The following TMLHE variants were observed in gnomAD, a reference collection of about 807,000 sequenced individuals.
The protein encoded by TMLHE is trimethyllysine dioxygenase, mitochondrial.
A neutral mutation model predicts 25.7 loss-of-function variants in TMLHE; 18 were observed. The ratio of observed to expected loss-of-function variants is 0.70; its 90% CI spans 0.48 to 1.04. TMLHE has a LOEUF of 1.04. TMLHE is among the 50% of genes least tolerant of loss of function. The pLI is 0.00. For synonymous variants in TMLHE, 105 were observed against 97.0 expected, an observed-to-expected ratio of 1.08 and a Z score of -0.49; for missense variants, 236 against 259.0, an observed-to-expected ratio of 0.91 and a Z score of 0.61.
At chrX:155,579,488 C>T (rs936976498) in intron 1 of TMLHE, among the ~76,000 whole-genome samples, 5 of 111,988 alleles carry the variant, frequency 4.5e-5, no homozygotes, top group African/African-American at 1.6e-4. Flanking sequence ...GTGACAAAAA[C>T]ACACAATGGG....
chrX:155,547,402 C>G (rs7878725), intron 1 of TMLHE, among the ~76,000 whole-genome samples: 236 of 111,372 alleles, frequency 2.1e-3, no homozygotes, highest in African/African-American at 7.2e-3. Context: ...CTCAGCCTCC[C>G]AAAGTGCTGG....
chrX:155,537,990 G>A (rs2067289208), intron 2 of TMLHE, among the ~76,000 whole-genome samples: 1 of 111,538 alleles, frequency 9.0e-6, no homozygotes, highest in Non-Finnish European at 1.9e-5. Context: ...GTGCTAGTAT[G>A]TAACGTCAAC....
intron 1 of TMLHE, among the ~76,000 whole-genome samples, chrX:155,604,284 A>G (rs2067774172): frequency 9.0e-6 from 1 of 111,062 alleles, no homozygotes; most frequent in Non-Finnish European, 1.9e-5. Context: ...TGGGGAAGGA[A>G]CAAAGACCCT....
At chrX:155,610,382 G>A (rs2067811731) in intron 1 of TMLHE, among the ~76,000 whole-genome samples, 1 of 111,627 alleles carries the variant, frequency 9.0e-6, no homozygotes, top group Non-Finnish European at 1.9e-5. Context: ...TCACTGACGT[G>A]ATGCAAATGT....
chrX:155,559,365 A>G (rs2067479132), intron 1 of TMLHE, among the ~76,000 whole-genome samples: 1 of 110,958 alleles, frequency 9.0e-6, no homozygotes, highest in Non-Finnish European at 1.9e-5. Context: ...TATTTCTTAT[A>G]TATTATCTTT....
At chrX:155,528,332 TA>T (rs1394039380) in intron 2 of TMLHE, among the ~76,000 whole-genome samples, 8 of 52,534 alleles carry the variant, frequency 1.5e-4, no homozygotes, top group African/African-American at 3.7e-4. Context: ...TATCTTTTAA[TA>T]TTTTTTTTTA....
At chrX:155,518,931 C>T (rs2067176025) in intron 3 of TMLHE, among the ~76,000 whole-genome samples, 1 of 43,618 alleles carries the variant, frequency 2.3e-5, no homozygotes, top group South Asian at 1.7e-3. Flanking sequence ...ATTAGTCTTG[C>T]TAGCGGTCTA....
intron 1 of TMLHE, among the ~76,000 whole-genome samples, chrX:155,546,335 C>T (rs1262727860): frequency 1.8e-5 from 2 of 111,327 alleles, no homozygotes; most frequent in African/African-American, 6.5e-5. Context: ...AATAAAACAA[C>T]ACCATTTGCA....
chrX:155,549,961 G>C (rs1230945055), intron 1 of TMLHE, among the ~76,000 whole-genome samples: 1 of 109,704 alleles, frequency 9.1e-6, no homozygotes, highest in Non-Finnish European at 1.9e-5. Flanking sequence ...ACTTATGAGT[G>C]AGAACACGTG....
At chrX:155,509,518 T>C (rs1040726802) in intron 5 of TMLHE, among the ~76,000 whole-genome samples, 6 of 111,664 alleles carry the variant, frequency 5.4e-5, no homozygotes, top group Non-Finnish European at 1.1e-4. Context: ...CTGGTGTTGG[T>C]CATAAAGGGA....
At chrX:155,583,309 C>T (rs2067643432) in intron 1 of TMLHE, among the ~76,000 whole-genome samples, 2 of 110,695 alleles carry the variant, frequency 1.8e-5, no homozygotes, top group African/African-American at 6.6e-5. Flanking sequence ...TACCCTAGAA[C>T]TTAAAGTATA....
intron 2 of TMLHE, among the ~76,000 whole-genome samples, chrX:155,543,991 C>T (rs2067328126): frequency 9.0e-6 from 1 of 111,724 alleles, no homozygotes; most frequent in Non-Finnish European, 1.9e-5. Context: ...TGTGCTGTAC[C>T]TCAGAGACAG....
Position 155,573,263 on chromosome X carries a change from CA to C in TMLHE, c.-1-27987del, listed in dbSNP as rs1417812394. ...ACCATCACTAGCCATCAGAGAAATG[CA>C]AATCAAAACCACAATGAGATACCAT... On this transcript the variant is annotated intron_variant, in intron 1 of 7. Transcript: ENST00000334398. 1.9e-4 allele frequency among the ~76,000 whole-genome samples: 11 copies of C among 57,956 alleles called. 2 individuals are homozygous for C. The allele number at this position is 57,956 out of a possible 115,157, so 50.3% of individuals were successfully genotyped here.
intron 1 of TMLHE, among the ~76,000 whole-genome samples, chrX:155,598,054 A>G (rs1159281648): frequency 8.9e-6 from 1 of 112,094 alleles, no homozygotes; most frequent in Non-Finnish European, 1.9e-5. Flanking sequence ...GATTGCACAT[A>G]TGGCAAAAGC....
Position 155,514,110 on chromosome X carries a change from C to T in TMLHE, c.514G>A (p.Glu172Lys). 8.3e-7 allele frequency: 1 copy of T among 1,211,003 alleles called. No homozygotes were observed. ...AACTTCTTCAGTCCCTCGTTGGTTT[C>T]TAAGAAGCTCTGGCAATCTACCGAT... is the stretch of plus-strand genomic sequence containing the variant. ...VPSVDCQSFLETNEGLKKFLQ... is the reference protein window; with the variant it reads ...VPSVDCQSFLKTNEGLKKFLQ... Residue 172 changes from glutamate to lysine, a missense_variant, in exon 4 of 8, where the codon GAA (glutamate) becomes AAA (lysine). Physicochemically the swap from Glu to Lys is moderately conservative, Grantham distance 56. Transcript: ENST00000334398.
At chrX:155,610,943 C>T (rs2067815827) in intron 1 of TMLHE, among the ~76,000 whole-genome samples, 1 of 110,851 alleles carries the variant, frequency 9.0e-6, no homozygotes, top group Non-Finnish European at 1.9e-5. Flanking sequence ...TCATTGATTG[C>T]CTTTGGAGTG....
chrX:155,541,225 G>C (rs2067308994), intron 2 of TMLHE, among the ~76,000 whole-genome samples: 1 of 110,388 alleles, frequency 9.1e-6, no homozygotes, highest in South Asian at 3.9e-4. Context: ...GCCCCAGTGT[G>C]TGATGTTCCC....
At chrX:155,593,668 T>C (rs1187784563) in intron 1 of TMLHE, among the ~76,000 whole-genome samples, 1 of 111,873 alleles carries the variant, frequency 8.9e-6, no homozygotes, top group Admixed American at 9.5e-5. Flanking sequence ...ACTACAATAA[T>C]ATATGGATAA....
At chrX:155,525,742 AACTGGAGTAATGGTC>A (rs1419335735) in intron 2 of TMLHE, among the ~76,000 whole-genome samples, 1 of 112,004 alleles carries the variant, frequency 8.9e-6, no homozygotes, top group Non-Finnish European at 1.9e-5. Flanking sequence ...ACTTATTGGG[AACTGGAGTAATGGTC>A]ACTCTTGCTA....
Sources: allele counts gnomAD v4.1 joint callset (sites outside exome capture counted in the v4.1 genomes callset), GRCh38; gene constraint gnomAD v4.1.1; transcripts MANE v1.5; gene names NCBI Gene and HGNC (gene_info 2026-07-23, HGNC 2026-07-21).